Variants in ALG12 observed in about 807,000 individuals in gnomAD.
ALG12 encodes ALG12 alpha-1,6-mannosyltransferase.
Under a neutral mutation model 46.0 loss-of-function variants are expected in ALG12, and 36 were observed. The ratio of observed to expected loss-of-function variants is 0.78; its 90% CI spans 0.60 to 1.03. The LOEUF is 1.03. Ranked by LOEUF, ALG12 falls within the 50% of genes least tolerant of loss-of-function variation. ALG12 has a pLI of 0.00. For synonymous variants in ALG12, 326 were observed against 291.6 expected, an observed-to-expected ratio of 1.12 and a Z score of -1.20; for missense variants, 599 against 633.5, an observed-to-expected ratio of 0.95 and a Z score of 0.58.
intron 7 of ALG12, among the ~76,000 whole-genome samples, chr22:49,904,885 G>C (rs928256978): frequency 2.0e-5 from 3 of 152,030 alleles, no homozygotes; most frequent in African/African-American, 7.2e-5. Flanking sequence ...GACTACAGGT[G>C]CACGCCACCA....
intron 1 of ALG12, among the ~76,000 whole-genome samples, chr22:49,914,249 G>A (rs1569178518): frequency 6.6e-6 from 1 of 152,262 alleles, no homozygotes; most frequent in East Asian, 1.9e-4. Context: ...AGGGGTGCCA[G>A]TTAGCTGGGT....
At chr22:49,884,458 C>T in the ALG12 span, 1 of 1,614,198 alleles carries the variant, frequency 6.2e-7, no homozygotes, top group Non-Finnish European at 8.5e-7. Flanking sequence ...TTACGATGAA[C>T]CTGCAGAGAA....
chr22:49,889,618 G>GGA, the ALG12 span: 1 of 167,178 alleles, frequency 6.0e-6, no homozygotes, highest in Admixed American at 6.5e-5. Flanking sequence ...AATGACACTA[G>GGA]GAGAGTCATT....
the ALG12 span, chr22:49,890,042 G>A: frequency 1.2e-5 from 2 of 166,870 alleles, no homozygotes; most frequent in Non-Finnish European, 2.9e-5. Flanking sequence ...TGAAGTAAAA[G>A]ATGATAAAAA....
At chr22:49,887,248 A>T in the ALG12 span, 1 of 1,500,608 alleles carries the variant, frequency 6.7e-7, no homozygotes, top group Non-Finnish European at 9.0e-7. Context: ...CAGGTCTATG[A>T]CCCGCTCTGC....
At chr22:49,884,333 A>C in the ALG12 span, 1 of 1,613,702 alleles carries the variant, frequency 6.2e-7, no homozygotes, top group Non-Finnish European at 8.5e-7. Context: ...CGAATAACAG[A>C]GGAGTCTGTG....
the ALG12 span, among the ~76,000 whole-genome samples, chr22:49,865,372 G>A: frequency 6.6e-6 from 1 of 152,108 alleles, no homozygotes; most frequent in African/African-American, 2.4e-5. Context: ...CACGGGGGCC[G>A]GGCGCAGTGG....
chr22:49,884,001 C>A, the ALG12 span: 1 of 1,611,980 alleles, frequency 6.2e-7, no homozygotes, highest in Admixed American at 1.7e-5. Context: ...GGAACATGAG[C>A]TCCAGGAAGA....
At chr22:49,885,714 G>A in the ALG12 span, 2 of 1,607,486 alleles carry the variant, frequency 1.2e-6, no homozygotes, top group Admixed American at 1.7e-5. Flanking sequence ...TTAACAGGCT[G>A]CTTGAATACT....
chr22:49,896,544 C>A (rs1811092474), downstream of ALG12, among the ~76,000 whole-genome samples: 2 of 152,256 alleles, frequency 1.3e-5, no homozygotes, highest in Non-Finnish European at 2.9e-5. Context: ...TGCCACAGCA[C>A]CCTCAGTCTC....
chr22:49,877,209 CT>C, the ALG12 span, among the ~76,000 whole-genome samples: 1 of 148,174 alleles, frequency 6.7e-6, no homozygotes, highest in East Asian at 2.0e-4. Context: ...GGAAGTCTTG[CT>C]TTTTTATTCA....
Position 49,903,745 on chromosome 22 carries a change from G to A in ALG12, c.*93C>T, listed in dbSNP as rs1189894799. 6.9e-7 allele frequency: 1 copy of A among 1,446,438 alleles called. No individual in the cohort carries two copies. Among genetic ancestry groups the A allele is most frequent in the African/African-American group, 1.4e-5 (1 of 71,738 alleles). The allele number at this position is 1,446,438 out of a possible 1,614,324, so 89.6% of individuals were successfully genotyped here. The stretch of plus-strand genomic sequence containing the variant: ...GCCCAGTCCTTTGACTTGCTTCTCT[G>A]AATTGTCATAATTGTGCTGGAATTG... On this transcript the variant is annotated 3_prime_UTR_variant, in exon 10 of 10. Coordinates refer to ENST00000330817, the MANE Select transcript of ALG12 (RefSeq NM_024105.4).
In ALG12 at chr22:49,907,727, G is replaced by A. The variant is rs1037342705; in HGVS notation, c.986C>T (p.Ser329Phe). 6.2e-6 allele frequency: 10 copies of A among 1,613,800 alleles called. No individual in the cohort carries two copies. Among genetic ancestry groups the A allele is most frequent in the Non-Finnish European group, 7.6e-6 (9 of 1,180,002 alleles). The change falls in exon 7 of 10, where the codon TCC (serine) becomes TTC (phenylalanine). Residue 329 changes from serine (S) to phenylalanine (F), a missense_variant. By Grantham distance (155) the Ser-to-Phe change is radical (BLOSUM62 -2). Transcript: ENST00000330817. ...TCACAAAAAGAGCACTCACAGGTAGGAGCAGCCTCTGGCAGCCGTGATGTT... is the reference window on the plus strand; with the variant it reads ...TCACAAAAAGAGCACTCACAGGTAGAAGCAGCCTCTGGCAGCCGTGATGTT... ...MLNITAARGC[S>F]YLLNNYKKSW...
At chr22:49,882,603 C>CCCCTGTTCTCCGTCTTG in the ALG12 span, among the ~76,000 whole-genome samples, 1 of 152,222 alleles carries the variant, frequency 6.6e-6, no homozygotes, top group African/African-American at 2.4e-5. Flanking sequence ...ACAGCTCCTG[C>CCCCTGTTCTCCGTCTTG]CCCTGTTCTC....
chr22:49,892,295 T>C, the ALG12 span, among the ~76,000 whole-genome samples: 1 of 149,892 alleles, frequency 6.7e-6, no homozygotes, highest in Non-Finnish European at 1.5e-5. Flanking sequence ...TAAAGGTGAG[T>C]CCTGTGTTCA....
rs1409937102 is a variant in ALG12, at chr22:49,900,280, G to A, written c.*3558C>T. On this transcript the variant is annotated 3_prime_UTR_variant, in exon 10 of 10. Coordinates refer to ENST00000330817, the MANE Select transcript of ALG12 (RefSeq NM_024105.4). Reference sequence around the variant, plus strand: ...AATTAAACACATGGGAGATAAACCAGGAGACAATTATGCTCATTACCAAAA... The same window carrying A: ...AATTAAACACATGGGAGATAAACCAAGAGACAATTATGCTCATTACCAAAA... 6.6e-6 allele frequency: 1 copy of A among 152,196 alleles called. No individual in the cohort carries two copies. The highest frequency in any genetic ancestry group is 1.5e-5 in the Non-Finnish European group (1 of 68,048). The allele number at this position is 152,196 out of a possible 1,614,324, so 9.4% of individuals were successfully genotyped here. A position where few individuals can be genotyped will look rare whatever the true frequency, so the allele number is the denominator to read the frequency against.
the ALG12 span, among the ~76,000 whole-genome samples, chr22:49,882,884 T>C: frequency 6.6e-6 from 1 of 152,234 alleles, no homozygotes; most frequent in Admixed American, 6.5e-5. Flanking sequence ...TTCGTCTGGG[T>C]TGATGATTTC....
the ALG12 span, among the ~76,000 whole-genome samples, chr22:49,880,041 C>T: frequency 3.3e-5 from 5 of 151,976 alleles, no homozygotes; most frequent in Non-Finnish European, 4.4e-5. Flanking sequence ...TTATTGGGTG[C>T]AGGATTTTGT....
chr22:49,887,472 T>G, the ALG12 span: 1 of 284,312 alleles, frequency 3.5e-6, no homozygotes, highest in East Asian at 6.3e-5. Flanking sequence ...TTTGGGTTAG[T>G]AATTTGTTTT....
Sources: allele counts gnomAD v4.1 joint callset (sites outside exome capture counted in the v4.1 genomes callset), GRCh38; gene constraint gnomAD v4.1.1; transcripts MANE v1.5; gene names NCBI Gene and HGNC (gene_info 2026-07-23, HGNC 2026-07-21).